CNTN4: variants seen among roughly 807,000 people sequenced by gnomAD.
The protein encoded by CNTN4 is contactin 4.
A neutral mutation model predicts 122.5 loss-of-function variants in CNTN4; 77 were observed. The observed-to-expected ratio is 0.63, with a 90% CI of 0.52 to 0.76. CNTN4 has a LOEUF of 0.76. Ranked by LOEUF, CNTN4 falls within the 30% of genes least tolerant of loss-of-function variation. CNTN4 has a pLI of 0.00. For missense variants in CNTN4, 1,256 were observed against 1,259.1 expected, an observed-to-expected ratio of 1.00 and a Z score of 0.04; for synonymous variants, 512 against 447.0, an observed-to-expected ratio of 1.15 and a Z score of -1.83.
intron 23 of CNTN4, among the ~76,000 whole-genome samples, chr3:3,047,436 C>T (rs890471527): frequency 1.8e-4 from 28 of 152,182 alleles, no homozygotes; most frequent in African/African-American, 6.5e-4. Context: ...TCTCTCAGAC[C>T]ACAGTGCGAT....
At chr3:2,318,249 T>C (rs2043176952) in intron 2 of CNTN4, among the ~76,000 whole-genome samples, 1 of 151,322 alleles carries the variant, frequency 6.6e-6, no homozygotes, top group South Asian at 2.1e-4. Context: ...TATGTGTATA[T>C]TGATATGTAA....
chr3:2,282,346 A>T lies in CNTN4; in HGVS notation c.-144-56832A>T, dbSNP rs1206697302. ...ATCTTCCTTAAAATAAGCATATATA[A>T]ATGACCTTTAATGTATACAGCATGC... is the stretch of plus-strand genomic sequence containing the variant. On this transcript the variant is annotated intron_variant, in intron 2 of 24. Transcript: ENST00000418658. 2.9e-4 allele frequency among the ~76,000 whole-genome samples: 43 copies of T among 150,696 alleles called. 1 individual carries two copies. The South Asian group carries it at 8.3e-3, about 29-fold the overall frequency.
intron 13 of CNTN4, among the ~76,000 whole-genome samples, chr3:2,957,159 G>T (rs1398492960): frequency 2.6e-5 from 4 of 152,220 alleles, no homozygotes; most frequent in South Asian, 2.1e-4. Flanking sequence ...ACGCAGAAGT[G>T]GGATTGCTGG....
chr3:2,340,843 A>G (rs562557327), intron 3 of CNTN4, among the ~76,000 whole-genome samples: 1 of 151,824 alleles, frequency 6.6e-6, no homozygotes, highest in African/African-American at 2.4e-5. Flanking sequence ...AAACCACCCC[A>G]AAACTCAGTG....
At chr3:2,943,005 GC>G (rs2151517995) in intron 13 of CNTN4, among the ~76,000 whole-genome samples, 1 of 152,276 alleles carries the variant, frequency 6.6e-6, no homozygotes, top group South Asian at 2.1e-4. Flanking sequence ...AGAAGGAAAT[GC>G]AAGATTATAA....
chr3:2,755,214 G>T (rs1317327047), intron 6 of CNTN4, among the ~76,000 whole-genome samples: 1 of 152,174 alleles, frequency 6.6e-6, no homozygotes, highest in African/African-American at 2.4e-5. Context: ...GTAGCTGGGA[G>T]TTTGATACAC....
At chr3:2,673,115 G>T (rs1159301907) in intron 4 of CNTN4, among the ~76,000 whole-genome samples, 1 of 152,154 alleles carries the variant, frequency 6.6e-6, no homozygotes, top group East Asian at 1.9e-4. Context: ...GGCAGTGGTA[G>T]AATTCTTAGA....
At chr3:2,322,066 A>G (rs183275171) in intron 2 of CNTN4, among the ~76,000 whole-genome samples, 154 of 152,332 alleles carry the variant, frequency 1.0e-3, no homozygotes, top group African/African-American at 3.5e-3. Flanking sequence ...CATACATGAA[A>G]AAATTCTCTA....
At position 3,057,901 on chromosome 3, in the gene CNTN4, A is replaced by G. The variant is rs1347480237; in HGVS notation, c.*1681A>G. Reference sequence around the variant, plus strand: ...CCAGTGTAAATGATATTTACCAGTGATCTAGCATATGTAATCTTTTTTAAA... The same window carrying G: ...CCAGTGTAAATGATATTTACCAGTGGTCTAGCATATGTAATCTTTTTTAAA... On this transcript the variant is annotated 3_prime_UTR_variant, in exon 25 of 25. Transcript: ENST00000418658. The G allele has an allele frequency of 6.6e-6, 1 of 152,592 alleles. No individual in the cohort carries two copies. Among genetic ancestry groups the G allele is most frequent in the African/African-American group, 2.4e-5 (1 of 41,456 alleles). The allele number at this position is 152,592 out of a possible 1,614,324, so 9.5% of individuals were successfully genotyped here.
intron 3 of CNTN4, among the ~76,000 whole-genome samples, chr3:2,519,702 T>C (rs1325059001): frequency 6.6e-6 from 1 of 152,190 alleles, no homozygotes; most frequent in Non-Finnish European, 1.5e-5. Flanking sequence ...GTTGTGGCCA[T>C]GTTGGATTGT....
At chr3:2,199,339 C>T (rs1222002788) in intron 2 of CNTN4, among the ~76,000 whole-genome samples, 1 of 151,658 alleles carries the variant, frequency 6.6e-6, no homozygotes, top group Non-Finnish European at 1.5e-5. Flanking sequence ...GTGTGTGTGT[C>T]TCTGTGTGTG....
chr3:2,235,191 G>C (rs1575140085), intron 2 of CNTN4, among the ~76,000 whole-genome samples: 1 of 152,136 alleles, frequency 6.6e-6, no homozygotes, highest in Non-Finnish European at 1.5e-5. Context: ...TGAAATGAGT[G>C]ATTATTGTGA....
intron 2 of CNTN4, among the ~76,000 whole-genome samples, chr3:2,120,382 T>TATATATATATATAA (rs1574868202): frequency 1.3e-3 from 36 of 27,294 alleles, no homozygotes; most frequent in East Asian, 8.3e-3. Flanking sequence ...TAAATATATA[T>TATATATATATATAA]ATATATATAT....
At chr3:2,209,364 G>A (rs1460786681) in intron 2 of CNTN4, among the ~76,000 whole-genome samples, 1 of 152,126 alleles carries the variant, frequency 6.6e-6, no homozygotes, top group African/African-American at 2.4e-5. Context: ...TAAGGAGCTT[G>A]GGAAATATAA....
chr3:2,366,895 C>T (rs1226366610), intron 3 of CNTN4, among the ~76,000 whole-genome samples: 4 of 151,798 alleles, frequency 2.6e-5, no homozygotes, highest in African/African-American at 9.7e-5. Flanking sequence ...AAAAGAATAC[C>T]ACGTTTAATA....
chr3:3,009,706 T>G (rs1559784546), intron 14 of CNTN4, among the ~76,000 whole-genome samples: 3 of 152,214 alleles, frequency 2.0e-5, no homozygotes, highest in African/African-American at 7.2e-5. Context: ...GTGCTGGGAT[T>G]ACAGGCGTGA....
At chr3:2,618,446 T>C (rs1345568382) in intron 4 of CNTN4, among the ~76,000 whole-genome samples, 1 of 152,184 alleles carries the variant, frequency 6.6e-6, no homozygotes, top group Non-Finnish European at 1.5e-5. Context: ...GGATATCCAA[T>C]ATAAATATCT....
At chr3:2,225,006 CGG>C (rs1559357559) in intron 2 of CNTN4, among the ~76,000 whole-genome samples, 2 of 151,134 alleles carry the variant, frequency 1.3e-5, no homozygotes, top group Non-Finnish European at 2.9e-5. Flanking sequence ...AAAAATTAGC[CGG>C]TTGCGGTGGC....
At chr3:2,395,164 G>A (rs1411092085) in intron 3 of CNTN4, among the ~76,000 whole-genome samples, 1 of 152,128 alleles carries the variant, frequency 6.6e-6, no homozygotes, top group Non-Finnish European at 1.5e-5. Context: ...TACATAAACT[G>A]TTGTTTATTC....
Sources: gnomAD v4.1 joint callset for allele counts (sites outside exome capture counted in the v4.1 genomes callset) on GRCh38, gnomAD v4.1.1 for gene constraint, MANE v1.5 for transcripts, NCBI Gene and HGNC (gene_info 2026-07-23, HGNC 2026-07-21) for gene names.